Variants in LAMA2 observed in about 807,000 individuals in gnomAD.
LAMA2 encodes the protein laminin subunit alpha 2, also known as laminin subunit alpha-2.
In LAMA2, 269 loss-of-function variants were observed where a neutral mutation model predicts 364.8. The ratio of observed to expected loss-of-function variants is 0.74; its 90% CI spans 0.67 to 0.82. LAMA2 has a LOEUF of 0.82. Ranked by LOEUF, LAMA2 falls within the 40% of genes least tolerant of loss-of-function variation. The pLI is 0.00. For missense variants in LAMA2, 3,807 were observed against 3,873.2 expected, an observed-to-expected ratio of 0.98 and a Z score of 0.45; for synonymous variants, 1,379 against 1,370.6, an observed-to-expected ratio of 1.01 and a Z score of -0.14.
At chr6:129,256,197 T>C (rs1328940327) in intron 14 of LAMA2, among the ~76,000 whole-genome samples, 1 of 152,218 alleles carries the variant, frequency 6.6e-6, no homozygotes, top group Non-Finnish European at 1.5e-5. Flanking sequence ...TTTGGAGTCA[T>C]GCTTGGGTTT....
chr6:129,226,158 C>T (rs1387454308), intron 12 of LAMA2, among the ~76,000 whole-genome samples: 2 of 152,040 alleles, frequency 1.3e-5, no homozygotes, highest in Admixed American at 6.5e-5. Flanking sequence ...GTTTGCAACC[C>T]CTGCCTTTTT....
At chr6:128,994,023 C>CT in intron 1 of LAMA2, among the ~76,000 whole-genome samples, 1 of 152,134 alleles carries the variant, frequency 6.6e-6, no homozygotes, top group South Asian at 2.1e-4. Context: ...TGTGTCAATG[C>CT]CATGAATCAG....
At chr6:129,380,536 C>T (rs773317251) in intron 34 of LAMA2, among the ~76,000 whole-genome samples, 9 of 152,096 alleles carry the variant, frequency 5.9e-5, no homozygotes, top group Non-Finnish European at 8.8e-5. Context: ...ATGAAGGAAA[C>T]GTCCTGCTGC....
intron 62 of LAMA2, among the ~76,000 whole-genome samples, chr6:129,511,197 A>G (rs181317387): frequency 5.9e-4 from 90 of 152,284 alleles, no homozygotes; most frequent in Middle Eastern, 6.8e-3. Flanking sequence ...TGGAAAACAT[A>G]CAATTCATCT....
chr6:129,383,885 A>G (rs1778836289), intron 35 of LAMA2, among the ~76,000 whole-genome samples: 1 of 152,224 alleles, frequency 6.6e-6, no homozygotes, highest in Non-Finnish European at 1.5e-5. Context: ...TTAAAATATA[A>G]TAAACGTGCA....
chr6:129,465,053 A>T, intron 50 of LAMA2, 92 bp from the exon 51 acceptor site: 1 of 1,031,074 alleles, frequency 9.7e-7, no homozygotes, highest in East Asian at 2.4e-5. Context: ...CAATTTAGCC[A>T]CAAGACCCTA....
chr6:129,234,675 A>G (rs1248991286), intron 12 of LAMA2, among the ~76,000 whole-genome samples: 1 of 152,218 alleles, frequency 6.6e-6, no homozygotes, highest in East Asian at 1.9e-4. Flanking sequence ...TTTGAAATGT[A>G]AGCCATATTG....
At chr6:128,989,478 A>G (rs1421275909) in intron 1 of LAMA2, among the ~76,000 whole-genome samples, 1 of 152,192 alleles carries the variant, frequency 6.6e-6, no homozygotes, top group South Asian at 2.1e-4. Flanking sequence ...TACATTTTCT[A>G]GCTGGGGGAC....
At chr6:129,056,196 T>G (rs1248987487) in intron 2 of LAMA2, among the ~76,000 whole-genome samples, 1 of 152,206 alleles carries the variant, frequency 6.6e-6, no homozygotes, top group Non-Finnish European at 1.5e-5. Flanking sequence ...TCTGTGATAT[T>G]TATTTTTCTT....
intron 4 of LAMA2, among the ~76,000 whole-genome samples, chr6:129,126,603 C>A (rs1002788101): frequency 1.3e-5 from 2 of 151,904 alleles, no homozygotes; most frequent in South Asian, 4.2e-4. Context: ...CAAACTTTTA[C>A]AAATACAAAG....
intron 8 of LAMA2, among the ~76,000 whole-genome samples, chr6:129,161,915 G>A (rs898414842): frequency 1.3e-5 from 2 of 152,146 alleles, no homozygotes; most frequent in Non-Finnish European, 2.9e-5. Context: ...ATGGTACCTA[G>A]GTTGATTCCA....
chr6:129,330,288 C>T (rs1775552353), intron 29 of LAMA2, among the ~76,000 whole-genome samples: 1 of 152,012 alleles, frequency 6.6e-6, no homozygotes, highest in South Asian at 2.1e-4. Flanking sequence ...AATTGCCTTC[C>T]ATGAAACCAG....
intron 32 of LAMA2, among the ~76,000 whole-genome samples, chr6:129,364,244 T>C (rs1225115791): frequency 6.6e-6 from 1 of 152,178 alleles, no homozygotes; most frequent in Non-Finnish European, 1.5e-5. Flanking sequence ...CCGTCCTCCT[T>C]CTCTTTGTTT....
chr6:129,427,633 A>G (rs1036371206), intron 40 of LAMA2, 119 bp from the exon 41 acceptor site: 6 of 747,206 alleles, frequency 8.0e-6, no homozygotes, highest in Non-Finnish European at 1.4e-5. Flanking sequence ...TTACAATTCT[A>G]TATCTGCAGC....
chr6:129,288,644 C>A (rs1789460155), intron 19 of LAMA2, among the ~76,000 whole-genome samples: 1 of 152,072 alleles, frequency 6.6e-6, no homozygotes, highest in Non-Finnish European at 1.5e-5. Flanking sequence ...CAGTGTTTTC[C>A]TTCCACAAAA....
At chr6:128,944,591 A>G (rs141005239) in intron 1 of LAMA2, among the ~76,000 whole-genome samples, 2,245 of 152,020 alleles carry the variant, frequency 0.015, 23 homozygotes, top group Non-Finnish European at 0.022. Context: ...TCAGGAGTTC[A>G]AGACCAGCCT....
At chr6:129,108,886 A>G (rs1464144987) in intron 4 of LAMA2, among the ~76,000 whole-genome samples, 1 of 152,178 alleles carries the variant, frequency 6.6e-6, no homozygotes, top group Non-Finnish European at 1.5e-5. Flanking sequence ...GGTTTTACTC[A>G]CAGAAGATTC....
intron 32 of LAMA2, among the ~76,000 whole-genome samples, chr6:129,356,143 A>AT (rs1331998974): frequency 6.6e-6 from 1 of 152,036 alleles, no homozygotes; most frequent in African/African-American, 2.4e-5. Context: ...CCAAAATGGA[A>AT]TTTTTTGCAG....
intron 3 of LAMA2, among the ~76,000 whole-genome samples, chr6:129,070,067 T>C (rs1192897740): frequency 6.6e-6 from 1 of 152,064 alleles, no homozygotes; most frequent in East Asian, 1.9e-4. Context: ...GCTATAAGTG[T>C]GCCCAGATTC....
Sources: gnomAD v4.1 joint callset for allele counts (sites outside exome capture counted in the v4.1 genomes callset) on GRCh38, gnomAD v4.1.1 for gene constraint, MANE v1.5 for transcripts, NCBI Gene and HGNC (gene_info 2026-07-23, HGNC 2026-07-21) for gene names.